HEPH: variants seen among roughly 807,000 people sequenced by gnomAD.
The protein encoded by HEPH is hephaestin.
Under a neutral mutation model 80.8 loss-of-function variants are expected in HEPH, and 69 were observed. The ratio of observed to expected loss-of-function variants is 0.85; its 90% CI spans 0.70 to 1.04. The LOEUF is 1.04. HEPH is among the 50% of genes least tolerant of loss of function. The pLI, the probability that HEPH is intolerant of heterozygous loss-of-function variation, is 0.00. For missense variants in HEPH, 1,115 were observed against 891.3 expected, an observed-to-expected ratio of 1.25 and a Z score of -3.20; for synonymous variants, 431 against 322.8, an observed-to-expected ratio of 1.34 and a Z score of -3.60.
rs1325285118 is a variant in HEPH at position 66,267,001 on chromosome X, G to T, written c.*329G>T. 1 of 185,390 alleles carries T rather than the reference G, an allele frequency of 5.4e-6. No individual in the cohort carries two copies. Among genetic ancestry groups the T allele is most frequent in the East Asian group, 1.1e-4 (1 of 8,782 alleles). The allele number at this position is 185,390 out of a possible 1,213,427, so 15.3% of individuals were successfully genotyped here. On this transcript the variant is annotated 3_prime_UTR_variant, in exon 21 of 21. Coordinates refer to ENST00000343002, the MANE Select transcript of HEPH (RefSeq NM_001367233.3). ...TCTAGAAATGTATCCTTCTCACAAAGTAGAGACCAAGAGAAAAACTCATTG... is the reference window on the plus strand; with the variant it reads ...TCTAGAAATGTATCCTTCTCACAAATTAGAGACCAAGAGAAAAACTCATTG...
downstream of HEPH, chrX:66,267,818 A>G (rs1240391088): frequency 2.7e-5 from 3 of 110,901 alleles, no homozygotes; most frequent in Non-Finnish European, 5.7e-5. Flanking sequence ...TTACATGCAA[A>G]TTTGAGCCAA....
Position 66,259,711 on chromosome X carries a change from C to CTT in HEPH, c.3037-375_3037-374dup, listed in dbSNP as rs11348677. ...TCATTGGAGATATGAATAAAGTGGA[C>CTT]TTTTTTTTTTTTTTTGAGATGGAGT... On this transcript the variant is annotated intron_variant, in intron 18 of 20. Coordinates refer to ENST00000343002, the MANE Select transcript of HEPH (RefSeq NM_001367233.3). 1.8e-3 allele frequency among the ~76,000 whole-genome samples: 167 copies of CTT among 94,347 alleles called. 1 individual carries two copies. The highest frequency in any genetic ancestry group is 6.3e-3 in the African/African-American group (162 of 25,600). The allele number at this position is 94,347 out of a possible 115,157, so 81.9% of individuals were successfully genotyped here. A position where few individuals can be genotyped will look rare whatever the true frequency, so the allele number is the denominator to read the frequency against.
intron 15 of HEPH, among the ~76,000 whole-genome samples, chrX:66,229,048 A>C (rs983863696): frequency 3.6e-5 from 4 of 112,336 alleles, no homozygotes; most frequent in African/African-American, 9.7e-5. Context: ...CAGTGAAAAG[A>C]AGTCATTATA....
intron 15 of HEPH, among the ~76,000 whole-genome samples, chrX:66,209,833 G>A (rs1294296630): frequency 9.0e-6 from 1 of 111,456 alleles, no homozygotes; most frequent in African/African-American, 3.3e-5. Context: ...GAGGATTGGA[G>A]TATTGGATGA....
At chrX:66,180,247 T>C (rs764406013) in intron 4 of HEPH, among the ~76,000 whole-genome samples, 8 of 111,485 alleles carry the variant, frequency 7.2e-5, no homozygotes, top group African/African-American at 2.6e-4. Context: ...ATGTATTTCC[T>C]GGATTTGTTT....
intron 4 of HEPH, among the ~76,000 whole-genome samples, chrX:66,187,414 C>T (rs906763487): frequency 9.0e-6 from 1 of 111,309 alleles, no homozygotes; most frequent in South Asian, 3.8e-4. Context: ...GGGCTGAAGG[C>T]TGTTCTTCAG....
chrX:66,237,425 T>A lies in HEPH; in HGVS notation c.2564-17610T>A, dbSNP rs150244060. Among the ~76,000 whole-genome samples, 992 of 112,215 alleles carry A rather than the reference T, an allele frequency of 8.8e-3. 14 individuals are homozygous for A. The highest frequency in any genetic ancestry group is 0.03 in the African/African-American group (914 of 30,903). Reference sequence around the variant, plus strand: ...TCAGAAGCAGGTTATTCAGTTTCCATGTAATTGTATGGTTTTGAGTGAATT... The same window carrying A: ...TCAGAAGCAGGTTATTCAGTTTCCAAGTAATTGTATGGTTTTGAGTGAATT... On this transcript the variant is annotated intron_variant, in intron 15 of 20. Coordinates refer to ENST00000343002, the MANE Select transcript of HEPH (RefSeq NM_001367233.3).
Position 66,252,264 on chromosome X carries a change from A to G in HEPH, c.2564-2771A>G, listed in dbSNP as rs148588860. On this transcript the variant is annotated intron_variant, in intron 15 of 20. Transcript: ENST00000343002. ...AGGTTTGGGGGAAAATCAAATATTTATTTTTAATATGTTGAGTCTGAGATA... is the reference window on the plus strand; with the variant it reads ...AGGTTTGGGGGAAAATCAAATATTTGTTTTTAATATGTTGAGTCTGAGATA... Among the ~76,000 whole-genome samples the G allele has an allele frequency of 8.6e-4, 96 of 111,979 alleles. No homozygotes were observed. In the East Asian group the frequency reaches 0.011, roughly 13 times the overall value.
chrX:66,256,178 G>A lies in HEPH; in HGVS notation c.2744G>A (p.Ser915Asn), dbSNP rs752708727. Residue 915 changes from serine (S) to asparagine (N), a missense_variant, in exon 17 of 21, where the codon AGT becomes AAT. By Grantham distance (46) the Ser-to-Asn change is conservative. Coordinates refer to ENST00000343002, the MANE Select transcript of HEPH (RefSeq NM_001367233.3). ...KGILEPHGGR[S>N]DMDREFALLF... ...ATCCTGGAGCCCCATGGAGGACGGA[G>A]TGACATGGATCGGGAATTTGCATTG... 2.5e-6 allele frequency: 3 copies of A among 1,211,620 alleles called. No individual in the cohort carries two copies. The highest frequency in any genetic ancestry group is 1.7e-5 in the African/African-American group (1 of 57,892).
chrX:66,231,577 TTGTC>T (rs1340856992), intron 15 of HEPH, among the ~76,000 whole-genome samples: 4 of 109,907 alleles, frequency 3.6e-5, no homozygotes, highest in Non-Finnish European at 7.6e-5. Context: ...GGCTCTCTGT[TTGTC>T]TGTTGTTGGT....
intron 16 of HEPH, among the ~76,000 whole-genome samples, 156 bp downstream of exon 16, chrX:66,255,297 G>C (rs1445110501): frequency 9.0e-6 from 1 of 111,450 alleles, no homozygotes; most frequent in African/African-American, 3.3e-5. Context: ...GACAGGAGGA[G>C]GGACGAAGGG....
At chrX:66,165,295 G>A (rs2086306851) in intron 1 of HEPH, among the ~76,000 whole-genome samples, 1 of 111,920 alleles carries the variant, frequency 8.9e-6, no homozygotes, top group South Asian at 3.7e-4. Context: ...TCACAGACAA[G>A]AGATAGGATT....
chrX:66,219,758 A>G (rs1341862279), intron 15 of HEPH, among the ~76,000 whole-genome samples: 1 of 111,622 alleles, frequency 9.0e-6, no homozygotes, highest in Non-Finnish European at 1.9e-5. Flanking sequence ...GGCAGTAGGA[A>G]GAAAGATGGT....
intron 15 of HEPH, among the ~76,000 whole-genome samples, chrX:66,242,751 A>G (rs2090649885): frequency 8.9e-6 from 1 of 112,260 alleles, no homozygotes; most frequent in Non-Finnish European, 1.9e-5. Flanking sequence ...GCCAACAAGC[A>G]TATGAAAAAA....
Position 66,172,393 on chromosome X carries a change from T to C in HEPH, c.206T>C (p.Ile69Thr). The change falls in exon 3 of 21, where the codon ATA becomes ACA. Residue 69 changes from isoleucine to threonine, a missense_variant. Coordinates refer to ENST00000343002, the MANE Select transcript of HEPH (RefSeq NM_001367233.3). ...SSFLKSDKNR[I>T]GGTYKKTIYK... is the part of the protein sequence containing the mutation. Reference sequence around the variant, plus strand: ...TTCTTAAAGTCTGACAAGAACCGGATAGGGGGAACCTACAAGAAGACCATC... The same window carrying C: ...TTCTTAAAGTCTGACAAGAACCGGACAGGGGGAACCTACAAGAAGACCATC... The C allele has an allele frequency of 1.7e-6, 2 of 1,197,430 alleles. No homozygotes were observed. The highest frequency in any genetic ancestry group is 1.7e-5 in the African/African-American group (1 of 57,404).
chrX:66,187,216 C>G (rs1019117539), intron 4 of HEPH, among the ~76,000 whole-genome samples: 1 of 111,256 alleles, frequency 9.0e-6, no homozygotes, highest in African/African-American at 3.3e-5. Context: ...CCCTGATTAG[C>G]TTAATAACTA....
At chrX:66,251,131 C>T (rs1218108721) in intron 15 of HEPH, among the ~76,000 whole-genome samples, 5 of 112,513 alleles carry the variant, frequency 4.4e-5, no homozygotes, top group African/African-American at 1.6e-4. Flanking sequence ...GATCCACCCA[C>T]TGTGGCCTCC....
chrX:66,223,165 G>A (rs1352578527), intron 15 of HEPH, among the ~76,000 whole-genome samples: 1 of 111,310 alleles, frequency 9.0e-6, no homozygotes, highest in Non-Finnish European at 1.9e-5. Context: ...TGGTTTACTG[G>A]AAATTCTAGT....
chrX:66,204,513 A>T (rs2088653643), intron 13 of HEPH, among the ~76,000 whole-genome samples: 1 of 112,512 alleles, frequency 8.9e-6, no homozygotes, highest in African/African-American at 3.2e-5. Flanking sequence ...TCAGATAGAC[A>T]TACAATTATG....
Sources: gnomAD v4.1 joint callset for allele counts (sites outside exome capture counted in the v4.1 genomes callset) on GRCh38, gnomAD v4.1.1 for gene constraint, MANE v1.5 for transcripts, NCBI Gene and HGNC (gene_info 2026-07-23, HGNC 2026-07-21) for gene names.